The following BBS9 variants were observed in gnomAD, a reference collection of about 807,000 sequenced individuals.
BBS9 encodes the protein protein PTHB1.
A neutral mutation model predicts 117.7 loss-of-function variants in BBS9; 89 were observed. The observed-to-expected ratio is 0.76, with a 90% CI of 0.64 to 0.90. The LOEUF (loss-of-function observed/expected upper bound fraction) is 0.90. Among genes scored for constraint, BBS9 ranks in the 40% least tolerant of loss-of-function variants. BBS9 has a pLI of 0.00. For synonymous variants in BBS9, 379 were observed against 370.9 expected, an observed-to-expected ratio of 1.02 and a Z score of -0.25; for missense variants, 982 against 1,042.2, an observed-to-expected ratio of 0.94 and a Z score of 0.80.
chr7:33,529,342 C>T (rs561681564), intron 20 of BBS9, among the ~76,000 whole-genome samples: 7 of 152,272 alleles, frequency 4.6e-5, no homozygotes, highest in Admixed American at 3.9e-4. Context: ...TTGGAGGGAT[C>T]TTGCAGAAGC....
At chr7:33,318,464 C>G (rs1810999565) in intron 9 of BBS9, among the ~76,000 whole-genome samples, 1 of 152,112 alleles carries the variant, frequency 6.6e-6, no homozygotes, top group Non-Finnish European at 1.5e-5. Context: ...TAACCATTGT[C>G]CCTACCCTTC....
chr7:33,362,873 TA>T (rs1820889147), intron 16 of BBS9, among the ~76,000 whole-genome samples: 1 of 152,084 alleles, frequency 6.6e-6, no homozygotes, highest in African/African-American at 2.4e-5. Flanking sequence ...ATCTTAACAA[TA>T]TTGAACATGG....
chr7:33,310,973 A>T (rs986426987), intron 9 of BBS9, among the ~76,000 whole-genome samples: 1 of 152,224 alleles, frequency 6.6e-6, no homozygotes, highest in Non-Finnish European at 1.5e-5. Context: ...TCAAATAAAC[A>T]TATCATTCCA....
intron 9 of BBS9, among the ~76,000 whole-genome samples, chr7:33,312,414 G>A (rs897326221): frequency 6.6e-6 from 1 of 152,112 alleles, no homozygotes; most frequent in African/African-American, 2.4e-5. Flanking sequence ...GTGTAGCTGC[G>A]CAGTGAATGC....
At chr7:33,597,363 A>C (rs1020058404) in intron 21 of BBS9, among the ~76,000 whole-genome samples, 1 of 152,186 alleles carries the variant, frequency 6.6e-6, no homozygotes, top group African/African-American at 2.4e-5. Flanking sequence ...CAGGTCATGC[A>C]AACAGAAGAT....
chr7:33,492,811 AGTGTGTGT>A (rs57870306), intron 19 of BBS9, among the ~76,000 whole-genome samples: 2,031 of 131,630 alleles, frequency 0.015, 42 homozygotes, highest in African/African-American at 0.048. Flanking sequence ...TATAGGAGTG[AGTGTGTGT>A]GTGTGTGTGT....
At chr7:33,468,570 C>T (rs1840513556) in intron 19 of BBS9, among the ~76,000 whole-genome samples, 1 of 152,090 alleles carries the variant, frequency 6.6e-6, no homozygotes, top group African/African-American at 2.4e-5. Context: ...ATATAACAAA[C>T]TATAATCATC....
intron 20 of BBS9, among the ~76,000 whole-genome samples, chr7:33,529,883 TA>T (rs1234170098): frequency 6.6e-6 from 1 of 152,216 alleles, no homozygotes; most frequent in Non-Finnish European, 1.5e-5. Context: ...AAAGGTTAGG[TA>T]TGTGCATGTA....
At chr7:33,355,846 A>G (rs969644624) in intron 15 of BBS9, among the ~76,000 whole-genome samples, 14 of 151,920 alleles carry the variant, frequency 9.2e-5, no homozygotes, top group Admixed American at 6.6e-5. Flanking sequence ...CTTCAAATAT[A>G]TAGGCTCAGT....
chr7:33,238,226 C>G (rs565143215), intron 5 of BBS9, among the ~76,000 whole-genome samples: 1 of 152,234 alleles, frequency 6.6e-6, no homozygotes, highest in African/African-American at 2.4e-5. Flanking sequence ...ATCATCATGT[C>G]CCATGGCAGA....
In BBS9 at chr7:33,155,720, C is replaced by CAGGCCGGGCGCGGTGGCTCACGCCTGT; in HGVS notation, c.328+19_328+20insGGCCGGGCGCGGTGGCTCACGCCTGTA. The CAGGCCGGGCGCGGTGGCTCACGCCTGT allele has an allele frequency of 3.7e-6, 4 of 1,085,802 alleles. 1 individual carries two copies. Among genetic ancestry groups the CAGGCCGGGCGCGGTGGCTCACGCCTGT allele is most frequent in the Non-Finnish European group, 4.0e-6 (3 of 747,072 alleles). 67.3% of individuals were successfully genotyped at this position (1,085,802 alleles called of 1,614,324 possible). On this transcript the variant is annotated intron_variant, in intron 4 of 22. Transcript: ENST00000242067. ...TGTCTCAGGTAAGAAATATTTTTAC[C>CAGGCCGGGCGCGGTGGCTCACGCCTGT]AATGTAGAATTTATATTACAAATTG...
exon 22 of BBS9, among the ~76,000 whole-genome samples, chr7:33,635,408 C>T (rs572213845): frequency 2.6e-4 from 39 of 152,274 alleles, no homozygotes; most frequent in Admixed American, 4.6e-4. Context: ...AGCCCAGAGC[C>T]GTACTGAGCC....
intron 5 of BBS9, among the ~76,000 whole-genome samples, chr7:33,220,068 C>A (rs576325432): frequency 6.6e-6 from 1 of 152,154 alleles, no homozygotes; most frequent in Non-Finnish European, 1.5e-5. Context: ...CGCGAGGGTC[C>A]GTGGCTTCAT....
intron 9 of BBS9, among the ~76,000 whole-genome samples, chr7:33,274,747 C>T (rs187079568): frequency 6.6e-6 from 1 of 152,278 alleles, no homozygotes; most frequent in Admixed American, 6.5e-5. Flanking sequence ...GTAATCCCAG[C>T]TCTTTGGGAG....
At chr7:33,373,628 A>G (rs532301348) in intron 17 of BBS9, among the ~76,000 whole-genome samples, 128 of 152,314 alleles carry the variant, frequency 8.4e-4, no homozygotes, top group Middle Eastern at 3.4e-3. Flanking sequence ...AGCATTTTGG[A>G]TAAAGTATAC....
chr7:33,281,715 G>A (rs1801944834), intron 9 of BBS9, among the ~76,000 whole-genome samples: 1 of 151,692 alleles, frequency 6.6e-6, no homozygotes, highest in Admixed American at 6.6e-5. Context: ...ATTTTCCCAG[G>A]AATGATATAG....
Position 33,308,950 on chromosome 7 carries a change from A to G in BBS9, c.1017-27491A>G, listed in dbSNP as rs1033951937. 3.3e-5 allele frequency among the ~76,000 whole-genome samples: 5 copies of G among 152,220 alleles called. No homozygotes were observed. The East Asian group carries it at 9.6e-4, about 29-fold the overall frequency. On this transcript the variant is annotated intron_variant, in intron 9 of 22. Transcript: ENST00000242067. ...ATTGGTATAGATTGTATTTTTAAGTACCAGTTGCTTTTTGGCACAAGGAAA... is the reference window on the plus strand; with the variant it reads ...ATTGGTATAGATTGTATTTTTAAGTGCCAGTTGCTTTTTGGCACAAGGAAA...
At chr7:33,492,982 G>A (rs182362021) in intron 19 of BBS9, among the ~76,000 whole-genome samples, 1 of 151,156 alleles carries the variant, frequency 6.6e-6, no homozygotes, top group East Asian at 2.0e-4. Context: ...TCTGCTCTTA[G>A]TCTTCTTCTT....
rs898532002 is a variant in BBS9 at position 33,169,273 on chromosome 7, G to A, written c.329-8205G>A. 1.1e-4 allele frequency among the ~76,000 whole-genome samples: 16 copies of A among 150,662 alleles called. No individual in the cohort carries two copies. In the East Asian group the frequency reaches 1.4e-3, roughly 13 times the overall value. ...GTGAATAATGCCGCAATAAACATAC[G>A]TGTGCATGTGTCTTTATAGCAGCAT... On this transcript the variant is annotated intron_variant, in intron 4 of 22. Transcript: ENST00000242067.
Sources: gnomAD v4.1 joint callset for allele counts (sites outside exome capture counted in the v4.1 genomes callset) on GRCh38, gnomAD v4.1.1 for gene constraint, MANE v1.5 for transcripts, NCBI Gene and HGNC (gene_info 2026-07-23, HGNC 2026-07-21) for gene names.